TIAM1: variants seen among roughly 807,000 people sequenced by gnomAD.
The protein encoded by TIAM1 is rho guanine nucleotide exchange factor TIAM1.
A neutral mutation model predicts 163.5 loss-of-function variants in TIAM1; 65 were observed. The observed-to-expected ratio is 0.40, with a 90% CI of 0.33 to 0.49. The LOEUF is 0.49. Ranked by LOEUF, TIAM1 falls within the 20% of genes least tolerant of loss-of-function variation. The pLI is 0.77. For missense variants in TIAM1, 1,789 were observed against 2,044.7 expected (o/e 0.87, Z 2.41); for synonymous variants, 833 against 810.1 (o/e 1.03, Z -0.48).
chr21:31,537,469 G>T (rs867486465), intron 1 of TIAM1, among the ~76,000 whole-genome samples: 97 of 151,052 alleles, frequency 6.4e-4, no homozygotes, highest in African/African-American at 2.1e-3. Flanking sequence ...AGTATTAATA[G>T]GGCCGAGAGC....
intron 6 of TIAM1, among the ~76,000 whole-genome samples, chr21:31,234,978 T>A (rs1430222290): frequency 1.3e-5 from 2 of 152,172 alleles, no homozygotes; most frequent in Non-Finnish European, 2.9e-5. Flanking sequence ...TCCAAATTAC[T>A]CAAATATTAT....
chr21:31,295,286 C>A lies in TIAM1; in HGVS notation c.-188-18378G>T, dbSNP rs375591610. On this transcript the variant is annotated intron_variant, in intron 2 of 27. Transcript: ENST00000541036. ...GAAATCGAGACCATCCCGGCTAACA[C>A]GGTGAAACCCCGTCTCTACTAAAAA... is the stretch of plus-strand genomic sequence containing the variant. Among the ~76,000 whole-genome samples, 5 of 152,126 alleles carry A rather than the reference C, an allele frequency of 3.3e-5. No homozygotes were observed. In the South Asian group the frequency reaches 6.3e-4, roughly 19 times the overall value.
At chr21:31,175,915 A>G (rs906885858) in intron 15 of TIAM1, among the ~76,000 whole-genome samples, 2 of 152,214 alleles carry the variant, frequency 1.3e-5, no homozygotes, top group Admixed American at 6.5e-5. Context: ...ACTTTTTTTT[A>G]AGAACTGTTT....
intron 2 of TIAM1, among the ~76,000 whole-genome samples, chr21:31,279,282 A>G (rs1482829535): frequency 1.3e-5 from 2 of 152,230 alleles, no homozygotes; most frequent in Non-Finnish European, 2.9e-5. Flanking sequence ...GAACTGATCC[A>G]TGACATGGAC....
chr21:31,163,377 T>C (rs1275798977), intron 16 of TIAM1, among the ~76,000 whole-genome samples: 1 of 152,184 alleles, frequency 6.6e-6, no homozygotes, highest in Non-Finnish European at 1.5e-5. Flanking sequence ...AAAAGGAACT[T>C]TAAGCAGTTG....
chr21:31,491,763 G>T (rs1237346549), intron 1 of TIAM1, among the ~76,000 whole-genome samples: 3 of 152,222 alleles, frequency 2.0e-5, no homozygotes, highest in Non-Finnish European at 4.4e-5. Context: ...AAATAAAACT[G>T]ATTGATGAAT....
chr21:31,353,802 GATTT>G (rs1276308226), intron 2 of TIAM1, among the ~76,000 whole-genome samples: 6 of 121,816 alleles, frequency 4.9e-5, no homozygotes, highest in Non-Finnish European at 9.1e-5. Flanking sequence ...CCTTACATTT[GATTT>G]ATTTGTTTTT....
intron 3 of TIAM1, among the ~76,000 whole-genome samples, chr21:31,269,788 C>T (rs2146831416): frequency 6.6e-6 from 1 of 151,848 alleles, no homozygotes; most frequent in South Asian, 2.1e-4. Context: ...TCTCCTGCCT[C>T]AGCCTCCCGA....
Position 31,124,663 on chromosome 21 carries a change from C to G in TIAM1, c.4165G>C (p.Ala1389Pro). 6.2e-7 allele frequency: 1 copy of G among 1,601,734 alleles called. No homozygotes were observed. Among genetic ancestry groups the G allele is most frequent in the Admixed American group, 1.7e-5 (1 of 58,044 alleles). ...SPESRKDFLK[A>P]VHSILRDKHR... ...TTATCACGCAGGATTGAATGCACAG[C>G]CTTTAGGAAATCCTTTCGGCTCTCT... The change falls in exon 27 of 28, where the codon GCT becomes CCT. Residue 1389 changes from alanine to proline, a missense_variant. Transcript: ENST00000541036.
chr21:31,321,694 A>T (rs1009480770), intron 2 of TIAM1, among the ~76,000 whole-genome samples: 1 of 152,154 alleles, frequency 6.6e-6, no homozygotes, highest in African/African-American at 2.4e-5. Context: ...TTTTAAAAGC[A>T]AGTAAAAATT....
intron 2 of TIAM1, among the ~76,000 whole-genome samples, chr21:31,460,432 G>A (rs1342450282): frequency 6.6e-6 from 1 of 152,144 alleles, no homozygotes; most frequent in African/African-American, 2.4e-5. Flanking sequence ...TTCGAGATCA[G>A]CCTGGCCAAC....
chr21:31,144,848 A>AAAAAAAG (rs2083035908), intron 20 of TIAM1, among the ~76,000 whole-genome samples: 1 of 147,810 alleles, frequency 6.8e-6, no homozygotes, highest in African/African-American at 2.6e-5. Context: ...AAAAAAAAAA[A>AAAAAAAG]AAAAGAAAAG....
chr21:31,246,492 G>T (rs2071508284), intron 5 of TIAM1, among the ~76,000 whole-genome samples: 1 of 152,168 alleles, frequency 6.6e-6, no homozygotes, highest in Non-Finnish European at 1.5e-5. Flanking sequence ...AATTTCAGGG[G>T]AAGCCAGGGT....
intron 2 of TIAM1, among the ~76,000 whole-genome samples, chr21:31,333,444 G>A (rs555328181): frequency 6.6e-6 from 1 of 152,002 alleles, no homozygotes; most frequent in South Asian, 2.1e-4. Context: ...CTCTCTTTTT[G>A]TTTTTTCTTT....
chr21:31,408,078 A>G (rs926834498), intron 2 of TIAM1, among the ~76,000 whole-genome samples: 7 of 152,218 alleles, frequency 4.6e-5, no homozygotes, highest in Non-Finnish European at 8.8e-5. Flanking sequence ...TGTATCTCAC[A>G]TTGCAGAAAA....
chr21:31,273,890 T>A (rs2073175034), intron 3 of TIAM1, among the ~76,000 whole-genome samples: 1 of 152,226 alleles, frequency 6.6e-6, no homozygotes, highest in Non-Finnish European at 1.5e-5. Context: ...GCAATGCCTG[T>A]GCAAGATCAT....
At chr21:31,378,385 C>T (rs2076725198) in intron 2 of TIAM1, among the ~76,000 whole-genome samples, 1 of 152,108 alleles carries the variant, frequency 6.6e-6, no homozygotes, top group South Asian at 2.1e-4. Flanking sequence ...ATGTTATTTG[C>T]AAACAGGAGT....
At position 31,258,047 on chromosome 21, in the gene TIAM1, G is replaced by A. The variant is rs142688166; in HGVS notation, c.964-5858C>T. On this transcript the variant is annotated intron_variant, in intron 4 of 27. Coordinates refer to ENST00000541036, the MANE Select transcript of TIAM1 (RefSeq NM_001353694.2). ...GGTCTGCCCTCACCCTGACCACCCT[G>A]TCAGAAATTGCCCCCCACATCCCCC... Among the ~76,000 whole-genome samples, 932 of 149,542 alleles carry A rather than the reference G, an allele frequency of 6.2e-3. 4 individuals are homozygous for A. Among genetic ancestry groups the A allele is most frequent in the Non-Finnish European group, 8.5e-3 (571 of 67,296 alleles).
At chr21:31,206,896 A>G (rs1374923798) in intron 11 of TIAM1, among the ~76,000 whole-genome samples, 1 of 152,198 alleles carries the variant, frequency 6.6e-6, no homozygotes, top group Non-Finnish European at 1.5e-5. Context: ...TACTGCATAC[A>G]CAAATGCAAA....
Sources: allele counts gnomAD v4.1 joint callset (sites outside exome capture counted in the v4.1 genomes callset), GRCh38; gene constraint gnomAD v4.1.1; transcripts MANE v1.5; gene names NCBI Gene and HGNC (gene_info 2026-07-23, HGNC 2026-07-21).